NAALADL2: variants seen among roughly 807,000 people sequenced by gnomAD.
NAALADL2 encodes the protein N-acetylated alpha-linked acidic dipeptidase like 2, also known as inactive N-acetylated-alpha-linked acidic dipeptidase-like protein 2.
Under a neutral mutation model 87.2 loss-of-function variants are expected in NAALADL2, and 76 were observed. The ratio of observed to expected loss-of-function variants is 0.87; its 90% CI spans 0.72 to 1.05. The LOEUF (loss-of-function observed/expected upper bound fraction) is 1.05. Among genes scored for constraint, NAALADL2 ranks in the 50% least tolerant of loss-of-function variants. The probability of loss-of-function intolerance (pLI) is 0.00; values close to 1 mark genes in which losing one functional copy is unlikely to be tolerated. For missense variants in NAALADL2, 1,089 were observed against 945.8 expected (o/e 1.15, Z -1.99); for synonymous variants, 354 against 331.0 (o/e 1.07, Z -0.75).
chr3:175,140,047 A>G (rs1377230718), intron 2 of NAALADL2, among the ~76,000 whole-genome samples: 3 of 152,152 alleles, frequency 2.0e-5, no homozygotes, highest in Admixed American at 2.0e-4. Flanking sequence ...ATACGGATAA[A>G]CAAAGGGATT....
At chr3:174,669,813 G>C (rs1255228054) in intron 2 of NAALADL2, among the ~76,000 whole-genome samples, 1 of 151,920 alleles carries the variant, frequency 6.6e-6, no homozygotes, top group African/African-American at 2.4e-5. Context: ...AATTGAATCT[G>C]TAGGTAGCTT....
At chr3:175,394,095 A>T (rs1291750070) in intron 5 of NAALADL2, among the ~76,000 whole-genome samples, 2 of 152,096 alleles carry the variant, frequency 1.3e-5, no homozygotes, top group African/African-American at 4.8e-5. Context: ...TAGCCAATAT[A>T]CTCTTTGCTA....
intron 9 of NAALADL2, among the ~76,000 whole-genome samples, chr3:175,552,097 A>G (rs1714499264): frequency 6.6e-6 from 1 of 152,124 alleles, no homozygotes. Flanking sequence ...AAGCCATGTA[A>G]AATATATAAA....
intron 9 of NAALADL2, among the ~76,000 whole-genome samples, chr3:175,472,348 T>C (rs1725030595): frequency 6.6e-6 from 1 of 152,196 alleles, no homozygotes; most frequent in South Asian, 2.1e-4. Flanking sequence ...TCTCGCCTAA[T>C]TTAAAAAATT....
chr3:175,750,600 G>C (rs1334659916), intron 12 of NAALADL2, among the ~76,000 whole-genome samples: 1 of 152,080 alleles, frequency 6.6e-6, no homozygotes, highest in African/African-American at 2.4e-5. Flanking sequence ...TTTAAAAATG[G>C]AACACTCTCC....
chr3:174,909,322 G>T (rs1733383156), intron 1 of NAALADL2, among the ~76,000 whole-genome samples: 1 of 152,000 alleles, frequency 6.6e-6, no homozygotes, highest in African/African-American at 2.4e-5. Flanking sequence ...TGAATCCCGG[G>T]AGACAGAGGT....
At chr3:174,590,150 T>C (rs1717200975) in intron 2 of NAALADL2, among the ~76,000 whole-genome samples, 1 of 152,040 alleles carries the variant, frequency 6.6e-6, no homozygotes, top group Non-Finnish European at 1.5e-5. Context: ...TCTCAATTGA[T>C]CAGTCAGAAC....
At chr3:175,445,368 A>G (rs1233837930) in intron 5 of NAALADL2, among the ~76,000 whole-genome samples, 1 of 152,108 alleles carries the variant, frequency 6.6e-6, no homozygotes, top group Non-Finnish European at 1.5e-5. Context: ...TTTAATTTAT[A>G]AAAATGTCAC....
At chr3:174,800,372 T>C (rs761739659) in intron 3 of NAALADL2, among the ~76,000 whole-genome samples, 5 of 152,112 alleles carry the variant, frequency 3.3e-5, no homozygotes, top group African/African-American at 4.8e-5. Context: ...GCTGTTGCTT[T>C]ATAGGGTGGA....
At chr3:175,800,504 G>A (rs1026080181) in intron 13 of NAALADL2, among the ~76,000 whole-genome samples, 2 of 152,108 alleles carry the variant, frequency 1.3e-5, no homozygotes, top group East Asian at 3.9e-4. Context: ...AAATTTTTCT[G>A]TCTTGAACAA....
intron 10 of NAALADL2, among the ~76,000 whole-genome samples, chr3:175,613,055 C>T (rs1724858241): frequency 6.6e-6 from 1 of 151,996 alleles, no homozygotes; most frequent in African/African-American, 2.4e-5. Context: ...GCGTGTCTTT[C>T]CCTCATCCAT....
At chr3:174,806,337 G>A (rs1032877140) in intron 3 of NAALADL2, among the ~76,000 whole-genome samples, 1 of 152,206 alleles carries the variant, frequency 6.6e-6, no homozygotes, top group Admixed American at 6.6e-5. Context: ...GCACTTGAGA[G>A]TTGTCCTCAG....
At chr3:175,352,387 C>T (rs953830841) in intron 5 of NAALADL2, among the ~76,000 whole-genome samples, 11 of 151,984 alleles carry the variant, frequency 7.2e-5, no homozygotes, top group African/African-American at 2.4e-4. Context: ...CAAAGGGATC[C>T]GAATGTACTG....
intron 10 of NAALADL2, among the ~76,000 whole-genome samples, chr3:175,620,340 G>C (rs2149697916): frequency 6.6e-6 from 1 of 152,280 alleles, no homozygotes; most frequent in East Asian, 1.9e-4. Flanking sequence ...AGCTGAGCTG[G>C]GTGTGCTGCA....
chr3:175,084,361 C>T (rs916289562), intron 1 of NAALADL2, among the ~76,000 whole-genome samples: 6 of 152,042 alleles, frequency 3.9e-5, no homozygotes, highest in Non-Finnish European at 7.4e-5. Context: ...TCTAAAGGGT[C>T]GAGATAGCTT....
At chr3:175,221,204 A>AG (rs1743319215) in intron 2 of NAALADL2, among the ~76,000 whole-genome samples, 1 of 147,970 alleles carries the variant, frequency 6.8e-6, no homozygotes, top group Non-Finnish European at 1.5e-5. Flanking sequence ...GTTTTAAAAA[A>AG]AAAAAAAAAA....
At chr3:174,636,627 T>C (rs1240544780) in intron 2 of NAALADL2, among the ~76,000 whole-genome samples, 1 of 152,076 alleles carries the variant, frequency 6.6e-6, no homozygotes, top group East Asian at 1.9e-4. Flanking sequence ...CTAGTTAGAA[T>C]GGCTAGTATT....
chr3:174,957,951 A>G (rs1000305042), intron 1 of NAALADL2, among the ~76,000 whole-genome samples: 8 of 151,888 alleles, frequency 5.3e-5, no homozygotes, highest in Non-Finnish European at 8.8e-5. Flanking sequence ...CCCATTGCCA[A>G]TGTAGTTTGT....
At chr3:175,473,325 T>C (rs1725170040) in intron 9 of NAALADL2, among the ~76,000 whole-genome samples, 1 of 152,064 alleles carries the variant, frequency 6.6e-6, no homozygotes. Flanking sequence ...AGGAATCTTT[T>C]CTGTTCTATA....
Sources: gnomAD v4.1 joint callset for allele counts (sites outside exome capture counted in the v4.1 genomes callset) on GRCh38, gnomAD v4.1.1 for gene constraint, MANE v1.5 for transcripts, NCBI Gene and HGNC (gene_info 2026-07-23, HGNC 2026-07-21) for gene names.